Variants in ARAP2 observed in about 807,000 individuals in gnomAD.
ARAP2 encodes the protein ArfGAP with RhoGAP domain, ankyrin repeat and PH domain 2.
Under a neutral mutation model 194.5 loss-of-function variants are expected in ARAP2, and 148 were observed. That is an observed-to-expected ratio of 0.76 (90% CI 0.67 to 0.87). ARAP2 has a LOEUF of 0.87. ARAP2 is among the 40% of genes least tolerant of loss of function. The pLI is 0.00. For synonymous variants in ARAP2, 695 were observed against 683.5 expected, an observed-to-expected ratio of 1.02 and a Z score of -0.26; for missense variants, 2,128 against 1,989.7, an observed-to-expected ratio of 1.07 and a Z score of -1.32.
At chr4:36,108,031 A>G (rs1718883597) in intron 26 of ARAP2, among the ~76,000 whole-genome samples, 1 of 151,556 alleles carries the variant, frequency 6.6e-6, no homozygotes, top group Non-Finnish European at 1.5e-5. Context: ...ACAATACATT[A>G]TTATTATTAT....
chr4:36,187,912 G>A (rs2109894075), intron 7 of ARAP2, among the ~76,000 whole-genome samples: 1 of 152,252 alleles, frequency 6.6e-6, no homozygotes, highest in African/African-American at 2.4e-5. Context: ...TGATTTTATG[G>A]TGTTTGCAGG....
chr4:36,189,576 A>G (rs150238564), intron 7 of ARAP2, among the ~76,000 whole-genome samples: 5 of 151,982 alleles, frequency 3.3e-5, no homozygotes, highest in Non-Finnish European at 7.4e-5. Flanking sequence ...CCTACCCTTC[A>G]CAGCCTCTAC....
At chr4:36,237,120 T>C (rs1560742952) in intron 1 of ARAP2, among the ~76,000 whole-genome samples, 1 of 152,246 alleles carries the variant, frequency 6.6e-6, no homozygotes. Flanking sequence ...AGTGGTAATA[T>C]AGAATTTAGT....
At chr4:36,130,059 C>T (rs1364863949) in intron 20 of ARAP2, among the ~76,000 whole-genome samples, 1 of 151,928 alleles carries the variant, frequency 6.6e-6, no homozygotes, top group Non-Finnish European at 1.5e-5. Flanking sequence ...TGCAGTACTG[C>T]ATCACATAGA....
chr4:36,055,070 A>G (rs1723269578), intron 2 of ARAP2, among the ~76,000 whole-genome samples: 1 of 152,218 alleles, frequency 6.6e-6, no homozygotes, highest in African/African-American at 2.4e-5. Context: ...TGTCATTTGT[A>G]CAGTCAACTG....
chr4:36,042,268 G>A (rs1237254833), intron 5 of ARAP2, among the ~76,000 whole-genome samples: 6 of 152,096 alleles, frequency 3.9e-5, no homozygotes, highest in Non-Finnish European at 7.4e-5. Context: ...TATTTCACAT[G>A]CACATTAATT....
intron 7 of ARAP2, among the ~76,000 whole-genome samples, chr4:36,187,876 T>A (rs1740927547): frequency 1.3e-5 from 2 of 152,242 alleles, no homozygotes; most frequent in Admixed American, 1.3e-4. Context: ...ACCAGCAGCA[T>A]GTTCTTTAAA....
chr4:36,126,574 C>A (rs1398198614), intron 21 of ARAP2, among the ~76,000 whole-genome samples: 2 of 152,012 alleles, frequency 1.3e-5, no homozygotes, highest in African/African-American at 4.8e-5. Flanking sequence ...TTCACTTAGA[C>A]AGTACTAGTT....
chr4:36,159,590 G>A, intron 13 of ARAP2, 85 bp from the exon 14 acceptor site: 1 of 1,193,118 alleles, frequency 8.4e-7, no homozygotes, highest in Non-Finnish European at 1.1e-6. Flanking sequence ...ATAATTTCAT[G>A]TATGGGATAA....
intron 1 of ARAP2, among the ~76,000 whole-genome samples, chr4:36,242,060 T>C (rs1397535227): frequency 6.6e-6 from 1 of 152,180 alleles, no homozygotes; most frequent in Non-Finnish European, 1.5e-5. Flanking sequence ...AGCAAAATGG[T>C]TTAACTACCA....
chr4:36,066,257 G>T lies in ARAP2; in HGVS notation c.*1650C>A, dbSNP rs1725430861. Reference sequence around the variant, plus strand: ...TTCATAAAAATATAAATATTTATTAGAAATAGTATGTTTAAGATTAGTTTT... The same window carrying T: ...TTCATAAAAATATAAATATTTATTATAAATAGTATGTTTAAGATTAGTTTT... On this transcript the variant is annotated 3_prime_UTR_variant, in exon 33 of 33. Transcript: ENST00000303965. The T allele has an allele frequency of 6.6e-6, 1 of 151,954 alleles. No homozygotes were observed. Among genetic ancestry groups the T allele is most frequent in the African/African-American group, 2.4e-5 (1 of 41,366 alleles). The allele number at this position is 151,954 out of a possible 1,614,324, so 9.4% of individuals were successfully genotyped here.
At chr4:36,074,735 C>T (rs1031759845) in intron 31 of ARAP2, among the ~76,000 whole-genome samples, 3 of 152,028 alleles carry the variant, frequency 2.0e-5, no homozygotes, top group Non-Finnish European at 2.9e-5. Context: ...TTATTTCTCT[C>T]AGTTCTTAAG....
intron 2 of ARAP2, among the ~76,000 whole-genome samples, chr4:36,214,797 T>C (rs1176800059): frequency 7.2e-5 from 11 of 152,216 alleles, no homozygotes; most frequent in African/African-American, 2.4e-4. Flanking sequence ...AGTAAACATA[T>C]TTTTCCAATG....
At chr4:36,098,182 G>T (rs555418384) in intron 27 of ARAP2, among the ~76,000 whole-genome samples, 3 of 152,158 alleles carry the variant, frequency 2.0e-5, no homozygotes, top group African/African-American at 4.8e-5. Context: ...TGGGGTTGAG[G>T]GGAAGAGGAG....
At chr4:36,126,938 T>C (rs1217737031) in intron 21 of ARAP2, among the ~76,000 whole-genome samples, 2 of 152,014 alleles carry the variant, frequency 1.3e-5, no homozygotes, top group African/African-American at 4.8e-5. Flanking sequence ...CCTGGGCTCA[T>C]GTGATCCTCC....
Position 36,083,463 on chromosome 4 carries a change from A to C in ARAP2, c.4426-13T>G, listed in dbSNP as rs748751693. The C allele has an allele frequency of 1.3e-6, 2 of 1,532,658 alleles. No homozygotes were observed. The highest frequency in any genetic ancestry group is 2.4e-5 in the South Asian group (2 of 82,528). 94.9% of individuals were successfully genotyped at this position (1,532,658 alleles called of 1,614,324 possible). On this transcript the variant is annotated splice_polypyrimidine_tract_variant and intron_variant, in intron 28 of 32. Coordinates refer to ENST00000303965, the MANE Select transcript of ARAP2 (RefSeq NM_015230.4). ...CATGTTTACTACTCTGTAAGGTAAA[A>C]AAATAATTTGTAATTAAATGGATTT... is the stretch of plus-strand genomic sequence containing the variant.
intron 31 of ARAP2, among the ~76,000 whole-genome samples, chr4:36,079,892 G>A (rs1729111455): frequency 6.6e-6 from 1 of 152,222 alleles, no homozygotes; most frequent in African/African-American, 2.4e-5. Flanking sequence ...AGGTCTATGT[G>A]GGATTGTGGT....
chr4:36,139,274 T>A (rs1375914451), intron 19 of ARAP2, among the ~76,000 whole-genome samples: 1 of 151,612 alleles, frequency 6.6e-6, no homozygotes, highest in Non-Finnish European at 1.5e-5. Context: ...TTGAGAGAAT[T>A]TTTTGATTAT....
At chr4:36,231,209 G>A (rs1160229906) in intron 1 of ARAP2, among the ~76,000 whole-genome samples, 1 of 152,142 alleles carries the variant, frequency 6.6e-6, no homozygotes, top group Non-Finnish European at 1.5e-5. Context: ...GAGGGTGCGT[G>A]CCTGTAATCC....
Sources: allele counts gnomAD v4.1 joint callset (sites outside exome capture counted in the v4.1 genomes callset), GRCh38; gene constraint gnomAD v4.1.1; transcripts MANE v1.5; gene names NCBI Gene and HGNC (gene_info 2026-07-23, HGNC 2026-07-21).